KDM5B: variants seen among roughly 807,000 people sequenced by gnomAD.
KDM5B encodes lysine demethylase 5B, also known as lysine-specific demethylase 5B.
KDM5B carries 144 observed loss-of-function variants against 193.4 expected under a neutral mutation model. The observed-to-expected ratio is 0.74, with a 90% CI of 0.65 to 0.86. The LOEUF (loss-of-function observed/expected upper bound fraction) is 0.86. Among genes scored for constraint, KDM5B ranks in the 40% least tolerant of loss-of-function variants. The probability of loss-of-function intolerance (pLI) is 0.00; values close to 1 mark genes in which losing one functional copy is unlikely to be tolerated. For missense variants in KDM5B, 1,833 were observed against 1,886.9 expected, an observed-to-expected ratio of 0.97 and a Z score of 0.53; for synonymous variants, 668 against 682.6, an observed-to-expected ratio of 0.98 and a Z score of 0.33.
Position 202,798,956 on chromosome 1 carries a change from G to C in KDM5B, c.204+9146C>G, listed in dbSNP as rs540306211. ...GACGGCTTGAGCTCATGAGGTCAAG[G>C]CTGCAATGAACTATGATTGCACCAC... On this transcript the variant is annotated intron_variant, in intron 1 of 26. Coordinates refer to ENST00000367265, the MANE Select transcript of KDM5B (RefSeq NM_006618.5). 2.6e-5 allele frequency among the ~76,000 whole-genome samples: 4 copies of C among 152,078 alleles called. No homozygotes were observed. In the East Asian group the frequency reaches 7.8e-4, roughly 30 times the overall value.
chr1:202,766,056 T>G (rs1428203024), intron 5 of KDM5B, among the ~76,000 whole-genome samples: 16 of 152,238 alleles, frequency 1.1e-4, no homozygotes, highest in Admixed American at 1.0e-3. Context: ...TTAAAAATTT[T>G]TTTTTAATTA....
At chr1:202,795,606 G>A (rs1241230227) in intron 1 of KDM5B, among the ~76,000 whole-genome samples, 1 of 150,480 alleles carries the variant, frequency 6.6e-6, no homozygotes, top group Non-Finnish European at 1.5e-5. Context: ...AGCTGAGATC[G>A]CACCATTGCA....
intron 25 of KDM5B, 112 bp from the exon 26 acceptor site, chr1:202,730,139 C>A: frequency 1.0e-6 from 1 of 981,638 alleles, no homozygotes; most frequent in Non-Finnish European, 1.5e-6. Context: ...CCAATCTACA[C>A]GGGAAAAAAA....
intron 12 of KDM5B, among the ~76,000 whole-genome samples, chr1:202,752,656 A>C (rs1180417020): frequency 2.6e-5 from 4 of 152,210 alleles, no homozygotes; most frequent in African/African-American, 2.4e-5. Flanking sequence ...AATGAATTGC[A>C]ATTATTACTT....
At chr1:202,795,669 G>T (rs1222366978) in intron 1 of KDM5B, among the ~76,000 whole-genome samples, 1 of 151,480 alleles carries the variant, frequency 6.6e-6, no homozygotes, top group African/African-American at 2.4e-5. Flanking sequence ...AAAAAGAGGG[G>T]ACTACTCTCT....
At position 202,735,545 on chromosome 1, in the gene KDM5B, T is replaced by G; in HGVS notation, c.3307A>C (p.Arg1103=). The stretch of plus-strand genomic sequence containing the variant: ...GGCTCCTTTAACTTTCTCTGCTTCC[T>G]TTTCAATCCCAAAAGGCCAATATCA... The part of the protein sequence containing the change: ...RCDIGLLGLK[R]KQRKLKEPLP... The change falls in exon 22 of 27, where the codon AGG becomes CGG. Residue 1103 remains arginine (R), a synonymous_variant. Transcript: ENST00000367265. The G allele has an allele frequency of 6.2e-7, 1 of 1,613,970 alleles. No homozygotes were observed. Among genetic ancestry groups the G allele is most frequent in the Non-Finnish European group, 8.5e-7 (1 of 1,179,868 alleles).
Position 202,755,196 on chromosome 1 carries a change from C to G in KDM5B, c.1538+75G>C, listed in dbSNP as rs1655958205. 6.3e-6 allele frequency: 7 copies of G among 1,108,688 alleles called. No homozygotes were observed. In the Admixed American group the frequency reaches 1.2e-4, roughly 18 times the overall value. The allele number at this position is 1,108,688 out of a possible 1,614,324, so 68.7% of individuals were successfully genotyped here. On this transcript the variant is annotated intron_variant, in intron 11 of 26. Coordinates refer to ENST00000367265, the MANE Select transcript of KDM5B (RefSeq NM_006618.5). ...CAATGCTCTTCAGACACAGTTAAGACACATCTGCACTGAAAAGGAAAGTTT... is the reference window on the plus strand; with the variant it reads ...CAATGCTCTTCAGACACAGTTAAGAGACATCTGCACTGAAAAGGAAAGTTT...
chr1:202,767,722 G>A (rs887042006), intron 4 of KDM5B, among the ~76,000 whole-genome samples: 1 of 152,048 alleles, frequency 6.6e-6, no homozygotes, highest in Non-Finnish European at 1.5e-5. Context: ...TTAACAGGTG[G>A]TGTTGCTTTG....
chr1:202,746,170 AAC>A lies in KDM5B; in HGVS notation c.2168_2169del (p.Cys723PhefsTer8). Reference protein sequence around the residue: ...LVCLHHVKELCSCPPYKYKLR... With the variant: ...LVCLHHVKELXSCPPYKYKLR... ...AATTTATATTTGTAAGGAGGACAGG[AAC>A]ACAATTCTTTTACATGATGCAGGCA... On this transcript the variant is annotated frameshift_variant, in exon 15 of 27. Coordinates refer to ENST00000367265, the MANE Select transcript of KDM5B (RefSeq NM_006618.5). LOFTEE classifies it high-confidence loss of function. The A allele has an allele frequency of 6.2e-7, 1 of 1,613,034 alleles. No individual in the cohort carries two copies. Among genetic ancestry groups the A allele is most frequent in the Non-Finnish European group, 8.5e-7 (1 of 1,179,538 alleles).
chr1:202,780,422 T>A (rs764620492), intron 1 of KDM5B, among the ~76,000 whole-genome samples: 11 of 152,082 alleles, frequency 7.2e-5, no homozygotes, highest in Non-Finnish European at 1.0e-4. Flanking sequence ...ACACCTGACC[T>A]CAAATGATCC....
Position 202,725,670 on chromosome 1 carries a change from A to C in KDM5B, c.*3366T>G, listed in dbSNP as rs1654651471. The C allele has an allele frequency of 6.6e-6, 1 of 152,242 alleles. No homozygotes were observed. Among genetic ancestry groups the C allele is most frequent in the African/African-American group, 2.4e-5 (1 of 41,458 alleles). The allele number at this position is 152,242 out of a possible 1,614,324, so 9.4% of individuals were successfully genotyped here. ...ATTGGGTTTTCGCCAGCACTATGGC[A>C]AGGAAAGACTATTTTAATATAGGCT... On this transcript the variant is annotated 3_prime_UTR_variant, in exon 27 of 27. Coordinates refer to ENST00000367265, the MANE Select transcript of KDM5B (RefSeq NM_006618.5).
rs539014191 is a variant in KDM5B at position 202,755,292 on chromosome 1, T to C, written c.1517A>G (p.Tyr506Cys). Residue 506 changes from tyrosine to cysteine, a missense_variant, in exon 11 of 27, where the codon TAT becomes TGT. By Grantham distance (194) the Tyr-to-Cys change is radical (BLOSUM62 -2). This residue lies in a region of KDM5B where 1,379 missense variants were observed against 1,349.6 expected (regional missense o/e 1.02). Coordinates refer to ENST00000367265, the MANE Select transcript of KDM5B (RefSeq NM_006618.5). ...TCACCAGTGCAAGTAGTTAATTGAA[T>C]AGCTCCAGTGGTCTTCAATGTGCCA... ...FCWHIEDHWS[Y>C]SINYLHWGEP... is the part of the protein sequence containing the mutation. The C allele has an allele frequency of 3.1e-6, 5 of 1,614,058 alleles. No individual in the cohort carries two copies. The highest frequency in any genetic ancestry group is 3.3e-5 in the Admixed American group (2 of 60,004).
intron 1 of KDM5B, among the ~76,000 whole-genome samples, chr1:202,791,470 A>G (rs1195322912): frequency 1.6e-4 from 24 of 152,044 alleles, no homozygotes. Flanking sequence ...CTCCAACCAA[A>G]TTCTCTTCCT....
At position 202,753,001 on chromosome 1, in the gene KDM5B, C is replaced by A; in HGVS notation, c.1605G>T (p.Lys535Asn). 1.2e-6 allele frequency: 2 copies of A among 1,614,054 alleles called. No homozygotes were observed. The highest frequency in any genetic ancestry group is 1.7e-6 in the Non-Finnish European group (2 of 1,179,992). ...ACACAAAGAGTTCTGGAGCTAGTTT[C>A]TTCATTACATTTTCTAGCTGCTCAG... ...YAAEQLENVM[K>N]KLAPELFVSQ... Residue 535 changes from lysine (K) to asparagine (N), a missense_variant, in exon 12 of 27, where the codon AAG becomes AAT. Physicochemically the swap from Lys to Asn is moderately conservative, Grantham distance 94. Coordinates refer to ENST00000367265, the MANE Select transcript of KDM5B (RefSeq NM_006618.5).
chr1:202,736,183 G>A (rs1478516287), intron 21 of KDM5B, 30 bp downstream of exon 21: 1 of 1,480,032 alleles, frequency 6.8e-7, no homozygotes, highest in African/African-American at 1.4e-5. Context: ...GAGATCTAAG[G>A]TCTTGCAGAT....
chr1:202,804,747 C>T (rs1308259645), intron 1 of KDM5B, among the ~76,000 whole-genome samples: 1 of 151,836 alleles, frequency 6.6e-6, no homozygotes, highest in Admixed American at 6.6e-5. Flanking sequence ...CGGTGGCTCA[C>T]GCCTGTAATC....
chr1:202,757,099 G>A (rs569447403), intron 9 of KDM5B, among the ~76,000 whole-genome samples: 2 of 152,048 alleles, frequency 1.3e-5, no homozygotes, highest in African/African-American at 4.8e-5. Context: ...TGGGAGGTGG[G>A]GGGGGGATTA....
chr1:202,757,554 CAT>C (rs1003587413), intron 9 of KDM5B, among the ~76,000 whole-genome samples: 111 of 152,252 alleles, frequency 7.3e-4, no homozygotes, highest in African/African-American at 2.6e-3. Flanking sequence ...GTTAAGCAAA[CAT>C]ATTGGCAAAT....
At chr1:202,746,028 G>T (rs1655541582) in intron 15 of KDM5B, 46 bp from the exon 16 acceptor site, 1 of 1,610,378 alleles carries the variant, frequency 6.2e-7, no homozygotes, top group Non-Finnish European at 8.5e-7. Flanking sequence ...TGTAGCTTTG[G>T]AGAAAACTAG....
Sources: gnomAD v4.1 joint callset for allele counts (sites outside exome capture counted in the v4.1 genomes callset) on GRCh38, gnomAD v4.1.1 for gene constraint, gnomAD v4.1.1 regional missense constraint, MANE v1.5 for transcripts, NCBI Gene and HGNC (gene_info 2026-07-23, HGNC 2026-07-21) for gene names.